Variants in ARRB1 observed in about 807,000 individuals in gnomAD.
The protein encoded by ARRB1 is beta-arrestin-1.
A neutral mutation model predicts 56.8 loss-of-function variants in ARRB1; 21 were observed. That is an observed-to-expected ratio of 0.37 (90% confidence interval 0.26 to 0.53). The LOEUF (loss-of-function observed/expected upper bound fraction) is 0.53, where lower values mean the gene tolerates loss of function less well. ARRB1 is among the 20% of genes least tolerant of loss of function. ARRB1 has a pLI of 0.88. For synonymous variants in ARRB1, 210 were observed against 218.6 expected, an observed-to-expected ratio of 0.96 and a Z score of 0.35; for missense variants, 424 against 553.7, an observed-to-expected ratio of 0.77 and a Z score of 2.35.
chr11:75,326,776 T>C (rs937444551), intron 1 of ARRB1, among the ~76,000 whole-genome samples: 6 of 144,504 alleles, frequency 4.2e-5, no homozygotes, highest in African/African-American at 7.8e-5. Context: ...CAGGCTAGAG[T>C]GCAGGGCTGC....
At chr11:75,269,007 T>C in intron 13 of ARRB1, 48 bp from the exon 14 acceptor site, 2 of 1,581,562 alleles carry the variant, frequency 1.3e-6, no homozygotes, top group Non-Finnish European at 8.6e-7. Flanking sequence ...ACTCACAGGC[T>C]GTGAGACTTG....
intron 1 of ARRB1, among the ~76,000 whole-genome samples, chr11:75,333,283 C>A (rs1947548704): frequency 6.6e-6 from 1 of 152,242 alleles, no homozygotes; most frequent in Non-Finnish European, 1.5e-5. Context: ...AGGGCAGAAA[C>A]CATACAGTAA....
At chr11:75,292,883 G>C (rs1379292720) in intron 1 of ARRB1, among the ~76,000 whole-genome samples, 2 of 152,118 alleles carry the variant, frequency 1.3e-5, no homozygotes, top group Non-Finnish European at 2.9e-5. Context: ...GGCTCAGAGA[G>C]ACGCAGTAAT....
At chr11:75,271,386 A>G in intron 13 of ARRB1, 1 of 270,756 alleles carries the variant, frequency 3.7e-6, no homozygotes, top group South Asian at 1.2e-4. Context: ...GAAAGCCATG[A>G]AGTCTGCATT....
At chr11:75,326,724 C>T (rs12793018) in intron 1 of ARRB1, among the ~76,000 whole-genome samples, 1 of 123,800 alleles carries the variant, frequency 8.1e-6, no homozygotes, top group Non-Finnish European at 1.7e-5. Flanking sequence ...AAATTACTGT[C>T]TTTTTTTTTT....
chr11:75,267,610 C>CCCCGCTGT, intron 15 of ARRB1, 42 bp downstream of exon 15: 1 of 1,386,888 alleles, frequency 7.2e-7, no homozygotes, highest in African/African-American at 1.4e-5. Context: ...CCCGCCCACC[C>CCCCGCTGT]GCGGCCCACC....
chr11:75,304,253 T>C (rs1946970576), intron 1 of ARRB1, among the ~76,000 whole-genome samples: 1 of 152,226 alleles, frequency 6.6e-6, no homozygotes, highest in Non-Finnish European at 1.5e-5. Context: ...CATTAATTTC[T>C]TCCTATTCTC....
chr11:75,279,462 T>C (rs955222329), intron 7 of ARRB1, among the ~76,000 whole-genome samples: 2 of 152,058 alleles, frequency 1.3e-5, no homozygotes, highest in African/African-American at 4.8e-5. Context: ...TGAGGCCGTC[T>C]CTGTGGCATG....
At chr11:75,275,427 G>A (rs756628307) in intron 10 of ARRB1, among the ~76,000 whole-genome samples, 11 of 152,132 alleles carry the variant, frequency 7.2e-5, no homozygotes, top group South Asian at 2.1e-4. Flanking sequence ...GATTATAGGC[G>A]TGAGCACCAG....
chr11:75,320,427 G>A (rs1947327826), intron 1 of ARRB1, among the ~76,000 whole-genome samples: 1 of 152,252 alleles, frequency 6.6e-6, no homozygotes, highest in South Asian at 2.1e-4. Flanking sequence ...TGAGACCTGT[G>A]GAGAAGGAGG....
intron 1 of ARRB1, among the ~76,000 whole-genome samples, chr11:75,334,588 C>A (rs887233354): frequency 6.6e-6 from 1 of 152,198 alleles, no homozygotes; most frequent in Non-Finnish European, 1.5e-5. Flanking sequence ...TGGGGCTAGA[C>A]CAGGCAGTTT....
At chr11:75,332,965 T>C (rs1282224171) in intron 1 of ARRB1, among the ~76,000 whole-genome samples, 1 of 152,132 alleles carries the variant, frequency 6.6e-6, no homozygotes, top group East Asian at 1.9e-4. Flanking sequence ...TTGTCCCACC[T>C]TTCTGAACCA....
intron 1 of ARRB1, among the ~76,000 whole-genome samples, chr11:75,327,599 G>GGCT (rs55710203): frequency 6.8e-6 from 1 of 146,694 alleles, no homozygotes; most frequent in South Asian, 2.1e-4. Flanking sequence ...TTTTGTTTTT[G>GGCT]TTTTTTTTTT....
intron 1 of ARRB1, among the ~76,000 whole-genome samples, chr11:75,301,432 G>T (rs1199249179): frequency 6.6e-6 from 1 of 152,222 alleles, no homozygotes; most frequent in Non-Finnish European, 1.5e-5. Context: ...GCTGTGAAGG[G>T]CCTTGAGTGC....
Position 75,285,837 on chromosome 11 carries a change from T to C in ARRB1, c.112+1478A>G, listed in dbSNP as rs535631061. Among the ~76,000 whole-genome samples the C allele has an allele frequency of 2.6e-5, 4 of 152,254 alleles. No individual in the cohort carries two copies. In the East Asian group the frequency reaches 5.8e-4, roughly 22 times the overall value. Reference sequence around the variant, plus strand: ...CTCTGGGCCACCTCTGCTGCTGTCCTTAGTAGGCCAATGGACATGGACAAC... The same window carrying C: ...CTCTGGGCCACCTCTGCTGCTGTCCCTAGTAGGCCAATGGACATGGACAAC... On this transcript the variant is annotated intron_variant, in intron 3 of 15. Transcript: ENST00000420843.
At chr11:75,312,002 C>A (rs1256134058) in intron 1 of ARRB1, 3 of 1,278,414 alleles carry the variant, frequency 2.3e-6, no homozygotes, top group Non-Finnish European at 3.1e-6. Flanking sequence ...GCTGACCGTT[C>A]TCGAAGGCCC....
At chr11:75,330,207 A>C (rs143603291) in intron 1 of ARRB1, among the ~76,000 whole-genome samples, 196 of 152,352 alleles carry the variant, frequency 1.3e-3, no homozygotes, top group African/African-American at 4.5e-3. Flanking sequence ...GTGTGTTCAG[A>C]CAAATTGCTG....
chr11:75,351,480 C>A, intron 1 of ARRB1, 108 bp downstream of exon 1: 2 of 1,455,936 alleles, frequency 1.4e-6, no homozygotes, highest in Non-Finnish European at 9.1e-7. Flanking sequence ...GGTACTAGAT[C>A]CCGCGGTGGC....
In ARRB1 at chr11:75,274,269, G is replaced by C; in HGVS notation, c.777-58C>G. 3 of 1,596,102 alleles carry C rather than the reference G, an allele frequency of 1.9e-6. No homozygotes were observed. In the South Asian group the frequency reaches 3.4e-5, roughly 18 times the overall value. On this transcript the variant is annotated intron_variant, in intron 10 of 15. Coordinates refer to ENST00000420843, the MANE Select transcript of ARRB1 (RefSeq NM_004041.5). The stretch of plus-strand genomic sequence containing the variant: ...CCTCCCCAGAGCCAACCCCAGCCCT[G>C]ATCTCCAGCCCAGCAGAATATCTAG...
Sources: gnomAD v4.1 joint callset for allele counts (sites outside exome capture counted in the v4.1 genomes callset) on GRCh38, gnomAD v4.1.1 for gene constraint, MANE v1.5 for transcripts, NCBI Gene and HGNC (gene_info 2026-07-23, HGNC 2026-07-21) for gene names.